DRC4: variants seen among roughly 807,000 people sequenced by gnomAD.
DRC4 encodes GAS-11.
At chr16:90,036,255 G>A in the DRC4 span, 1 of 802,576 alleles carries the variant, frequency 1.2e-6, no homozygotes, top group East Asian at 2.5e-5. Flanking sequence ...CTCTTGCAGA[G>A]CTTTTGCCTG....
At chr16:90,031,899 G>C in the DRC4 span, among the ~76,000 whole-genome samples, 1 of 152,174 alleles carries the variant, frequency 6.6e-6, no homozygotes, top group Non-Finnish European at 1.5e-5. Flanking sequence ...GAGCATGTGT[G>C]TGCAGGTGAG....
chr16:90,040,445 A>C, the DRC4 span: 2 of 1,611,648 alleles, frequency 1.2e-6, no homozygotes, highest in Non-Finnish European at 1.7e-6. Context: ...GTGCAGTTCA[A>C]CGAGGTCCTG....
chr16:90,035,664 A>T, the DRC4 span: 1 of 1,614,150 alleles, frequency 6.2e-7, no homozygotes, highest in Non-Finnish European at 8.5e-7. Flanking sequence ...AGGATGCGGA[A>T]TGATTTTGAG....
At chr16:90,026,896 CTT>C in the DRC4 span, among the ~76,000 whole-genome samples, 278 of 142,336 alleles carry the variant, frequency 2.0e-3, no homozygotes, top group Middle Eastern at 3.6e-3. Context: ...CCTCTCTTTT[CTT>C]TTTTTTTTTT....
At chr16:90,035,274 C>T in the DRC4 span, among the ~76,000 whole-genome samples, 2 of 152,166 alleles carry the variant, frequency 1.3e-5, no homozygotes, top group Non-Finnish European at 2.9e-5. Context: ...CTCAAGTGAT[C>T]CTCCTGCCTT....
chr16:90,040,282 C>T, the DRC4 span: 2 of 1,559,970 alleles, frequency 1.3e-6, no homozygotes, highest in Admixed American at 1.9e-5. Context: ...TCGCCCACCC[C>T]CAGCGCTGTC....
chr16:90,027,147 G>GTGA, the DRC4 span, among the ~76,000 whole-genome samples: 2 of 150,452 alleles, frequency 1.3e-5, no homozygotes, highest in African/African-American at 4.9e-5. Flanking sequence ...GTGCAGTGGT[G>GTGA]TGATCTCGGC....
At chr16:90,036,461 G>A in the DRC4 span, 2 of 1,613,878 alleles carry the variant, frequency 1.2e-6, no homozygotes, top group African/African-American at 1.3e-5. Context: ...GCTCCACGAA[G>A]TGGAGGAGAG....
the DRC4 span, chr16:90,036,274 T>C: frequency 1.0e-6 from 1 of 982,496 alleles, no homozygotes; most frequent in South Asian, 1.6e-5. Flanking sequence ...TGCAAGGCTG[T>C]TCTGACCACA....
chr16:90,031,938 C>T, the DRC4 span, among the ~76,000 whole-genome samples: 1 of 151,238 alleles, frequency 6.6e-6, no homozygotes, highest in Admixed American at 6.6e-5. Flanking sequence ...GAGGTATGTG[C>T]AGGTGAGGTG....
chr16:90,029,423 GAT>G, the DRC4 span: 6 of 858,346 alleles, frequency 7.0e-6, no homozygotes, highest in Non-Finnish European at 1.0e-5. Flanking sequence ...TGGAAATCTG[GAT>G]ATTTATAAGA....
the DRC4 span, among the ~76,000 whole-genome samples, chr16:90,038,185 T>C: frequency 6.6e-6 from 1 of 152,182 alleles, no homozygotes; most frequent in Non-Finnish European, 1.5e-5. Flanking sequence ...AGAGCTCACC[T>C]CTGAAAGCAC....
the DRC4 span, among the ~76,000 whole-genome samples, chr16:90,041,202 C>T: frequency 6.6e-6 from 1 of 152,220 alleles, no homozygotes; most frequent in African/African-American, 2.4e-5. Context: ...CGCCCACGCG[C>T]CAGGGTGAGG....
the DRC4 span, among the ~76,000 whole-genome samples, chr16:90,035,471 G>A: frequency 6.6e-6 from 1 of 152,160 alleles, no homozygotes; most frequent in Non-Finnish European, 1.5e-5. Flanking sequence ...TGCTCACGAC[G>A]TCTGTTCATG....
chr16:90,042,834 C>T, the DRC4 span: 19 of 506,396 alleles, frequency 3.8e-5, no homozygotes, highest in African/African-American at 3.1e-4. Context: ...CTGTGCCCAC[C>T]GGGGAAGGAA....
chr16:90,043,432 T>C, the DRC4 span: 1 of 1,307,646 alleles, frequency 7.6e-7, no homozygotes, highest in Non-Finnish European at 1.0e-6. Context: ...CAGCAAGTTT[T>C]TTAGATTTTA....
chr16:90,031,996 T>G, the DRC4 span, among the ~76,000 whole-genome samples: 1 of 151,216 alleles, frequency 6.6e-6, no homozygotes, highest in Non-Finnish European at 1.5e-5. Flanking sequence ...AGCAGGTAGG[T>G]GCAAGTGACC....
chr16:90,044,406 G>A, the DRC4 span: 1 of 443,916 alleles, frequency 2.3e-6, no homozygotes, highest in Non-Finnish European at 4.7e-6. Flanking sequence ...GGACCAGTCT[G>A]CCCACTGCCT....
At chr16:90,036,307 C>A in the DRC4 span, 2 of 1,354,086 alleles carry the variant, frequency 1.5e-6, no homozygotes, top group South Asian at 1.4e-5. Flanking sequence ...GGCCCGTTTA[C>A]AGGCTCCATG....
Sources: gnomAD v4.1 joint callset for allele counts (sites outside exome capture counted in the v4.1 genomes callset) on GRCh38, gnomAD v4.1.1 for gene constraint, MANE v1.5 for transcripts, NCBI Gene and HGNC (gene_info 2026-07-23, HGNC 2026-07-21) for gene names.